The following DENND6B variants were observed in gnomAD, a reference collection of about 807,000 sequenced individuals.
The protein encoded by DENND6B is protein DENND6B.
In DENND6B, 73 loss-of-function variants were observed where a neutral mutation model predicts 85.1. The observed-to-expected ratio is 0.86, with a 90% CI of 0.71 to 1.04. The LOEUF (loss-of-function observed/expected upper bound fraction) is 1.04, where lower values mean the gene tolerates loss of function less well. DENND6B is among the 50% of genes least tolerant of loss of function. The pLI is 0.00. For missense variants in DENND6B, 715 were observed against 785.8 expected (o/e 0.91, Z 1.08); for synonymous variants, 357 against 329.3 (o/e 1.08, Z -0.91).
intron 9 of DENND6B, among the ~76,000 whole-genome samples, chr22:50,315,455 T>C (rs1293766689): frequency 2.0e-5 from 3 of 152,194 alleles, no homozygotes; most frequent in African/African-American, 7.2e-5. Context: ...GCTGCAGACA[T>C]GTGGGCACCT....
At chr22:50,316,297 G>C (rs2041812592) in intron 6 of DENND6B, 44 bp from the exon 7 acceptor site, 4 of 1,567,332 alleles carry the variant, frequency 2.6e-6, no homozygotes, top group African/African-American at 2.7e-5. Flanking sequence ...CCAAGGAGAA[G>C]CTGCTGCCGA....
intron 3 of DENND6B, 102 bp from the exon 4 acceptor site, chr22:50,318,122 T>C (rs2041915745): frequency 8.6e-7 from 1 of 1,162,984 alleles, no homozygotes. Flanking sequence ...GCCTGGCCTC[T>C]GCTGGTAAAT....
At chr22:50,323,873 C>T (rs2042124375) in intron 1 of DENND6B, among the ~76,000 whole-genome samples, 1 of 152,034 alleles carries the variant, frequency 6.6e-6, no homozygotes, top group African/African-American at 2.4e-5. Context: ...GCTATAACTA[C>T]AGGTGCATGC....
intron 6 of DENND6B, 34 bp downstream of exon 6, chr22:50,316,336 G>A (rs775470622): frequency 2.0e-5 from 31 of 1,562,890 alleles, no homozygotes; most frequent in Non-Finnish European, 2.7e-5. Flanking sequence ...CTGGGATGAT[G>A]AGACCACGAT....
In DENND6B at chr22:50,314,241, C is replaced by CT; in HGVS notation, c.1103dup (p.Pro369AlafsTer93). 1 of 1,609,374 alleles carries CT rather than the reference C, an allele frequency of 6.2e-7. No individual in the cohort carries two copies. Among genetic ancestry groups the CT allele is most frequent in the South Asian group, 1.1e-5 (1 of 91,012 alleles). ...TGTCCAGGGTCTTCAACCTTGAAGG[C>CT]TTTTTCAGCTTGACTTGCTTAGGCA... On this transcript the variant is annotated frameshift_variant, in exon 13 of 20. Coordinates refer to ENST00000413817, the MANE Select transcript of DENND6B (RefSeq NM_001001794.4). LOFTEE classifies it high-confidence loss of function.
At chr22:50,314,046 A>G (rs988438771) in intron 13 of DENND6B, 161 bp downstream of exon 13, 4 of 1,257,422 alleles carry the variant, frequency 3.2e-6, no homozygotes, top group Non-Finnish European at 4.3e-6. Context: ...GACCCACTGA[A>G]GAGAAGAGAG....
chr22:50,313,995 C>G (rs1023842892), intron 13 of DENND6B, 117 bp from the exon 14 acceptor site: 1 of 1,386,038 alleles, frequency 7.2e-7, no homozygotes, highest in African/African-American at 1.5e-5. Context: ...ATGCCCTTGG[C>G]TGCACCTGAA....
rs76393084 is a variant in DENND6B, at chr22:50,315,516, G to C, written c.758+198C>G. 4.2e-3 allele frequency among the ~76,000 whole-genome samples: 633 copies of C among 152,286 alleles called. 10 individuals are homozygous for C. In the East Asian group the frequency reaches 0.065, roughly 16 times the overall value. On this transcript the variant is annotated intron_variant, in intron 9 of 19. Coordinates refer to ENST00000413817, the MANE Select transcript of DENND6B (RefSeq NM_001001794.4). Reference sequence around the variant, plus strand: ...TCCTTCCTTCCAGAACTGTCCCAAGGGGTACTCAGGATGAGCGCTGCCTCC... The same window carrying C: ...TCCTTCCTTCCAGAACTGTCCCAAGCGGTACTCAGGATGAGCGCTGCCTCC...
chr22:50,324,870 C>T (rs1041243672), intron 1 of DENND6B, among the ~76,000 whole-genome samples: 2 of 152,198 alleles, frequency 1.3e-5, no homozygotes, highest in African/African-American at 4.8e-5. Context: ...AAGCCCATTC[C>T]TTCCTCTGAG....
intron 16 of DENND6B, 52 bp from the exon 17 acceptor site, chr22:50,313,160 C>T (rs1400720818): frequency 8.0e-6 from 12 of 1,492,050 alleles, no homozygotes; most frequent in Non-Finnish European, 1.0e-5. Context: ...CACAGGCCTG[C>T]ACCCGGTACG....
Position 50,314,436 on chromosome 22 carries a change from G to A in DENND6B, c.1036C>T (p.Pro346Ser), listed in dbSNP as rs773439459. 5.7e-6 allele frequency: 9 copies of A among 1,565,456 alleles called. No individual in the cohort carries two copies. In the African/African-American group the frequency reaches 6.8e-5, roughly 12 times the overall value. ...PFFIKTLQHW[P>S]HILRVGEPKM... Reference sequence around the variant, plus strand: ...GGCTCCCCGACTCGGAGGATGTGGGGCCAGTGCTGGAGTGTTTTGATAAAG... The same window carrying A: ...GGCTCCCCGACTCGGAGGATGTGGGACCAGTGCTGGAGTGTTTTGATAAAG... The change falls in exon 12 of 20, where the codon CCC becomes TCC. Residue 346 changes from proline (P) to serine (S), a missense_variant. Coordinates refer to ENST00000413817, the MANE Select transcript of DENND6B (RefSeq NM_001001794.4).
At chr22:50,326,343 G>C (rs1419529341) in intron 1 of DENND6B, among the ~76,000 whole-genome samples, 1 of 152,226 alleles carries the variant, frequency 6.6e-6, no homozygotes, top group South Asian at 2.1e-4. Context: ...TTGAACTCTG[G>C]GGTGCAGCTG....
At chr22:50,313,941 C>T (rs2041688864) in intron 13 of DENND6B, 63 bp from the exon 14 acceptor site, 49 of 1,518,360 alleles carry the variant, frequency 3.2e-5, no homozygotes, top group Non-Finnish European at 4.3e-5. Flanking sequence ...CTCCTGCAGC[C>T]CCACAGAGGA....
At chr22:50,323,183 A>G (rs746419689) in intron 1 of DENND6B, among the ~76,000 whole-genome samples, 1 of 146,522 alleles carries the variant, frequency 6.8e-6, no homozygotes, top group African/African-American at 2.5e-5. Context: ...TTGTTTTTTA[A>G]CAGACAGGGT....
At chr22:50,317,753 G>A (rs1439313099) in intron 4 of DENND6B, among the ~76,000 whole-genome samples, 155 bp downstream of exon 4, 1 of 152,120 alleles carries the variant, frequency 6.6e-6, no homozygotes, top group Non-Finnish European at 1.5e-5. Flanking sequence ...GTTGGGGCTG[G>A]TGCCTGGGAC....
intron 9 of DENND6B, 48 bp downstream of exon 9, chr22:50,315,662 GCACA>G (rs2041787035): frequency 1.3e-6 from 2 of 1,539,150 alleles, no homozygotes; most frequent in Non-Finnish European, 1.8e-6. Context: ...ACATGCACGT[GCACA>G]CACAGTGAGC....
At chr22:50,314,177 G>A in intron 13 of DENND6B, 30 bp downstream of exon 13, 1 of 1,588,334 alleles carries the variant, frequency 6.3e-7, no homozygotes, top group Non-Finnish European at 8.5e-7. Context: ...CTCCACGGTG[G>A]AGGGGCTCCA....
At position 50,316,095 on chromosome 22, in the gene DENND6B, A is replaced by G. The variant is rs770055554; in HGVS notation, c.640-8T>C. 3 of 1,612,624 alleles carry G rather than the reference A, an allele frequency of 1.9e-6. No individual in the cohort carries two copies. The highest frequency in any genetic ancestry group is 2.5e-6 in the Non-Finnish European group (3 of 1,179,814). On this transcript the variant is annotated splice_region_variant and splice_polypyrimidine_tract_variant and intron_variant, in intron 7 of 19. Coordinates refer to ENST00000413817, the MANE Select transcript of DENND6B (RefSeq NM_001001794.4). Reference sequence around the variant, plus strand: ...CCTGGATGGGATGCGCACCTGGGAGAAGGAGGGAGCAGCTGCCAGAGGGAG... The same window carrying G: ...CCTGGATGGGATGCGCACCTGGGAGGAGGAGGGAGCAGCTGCCAGAGGGAG...
intron 1 of DENND6B, among the ~76,000 whole-genome samples, chr22:50,321,045 C>T (rs1284045206): frequency 6.6e-6 from 1 of 152,196 alleles, no homozygotes; most frequent in Non-Finnish European, 1.5e-5. Flanking sequence ...TCAGGCTGTG[C>T]CCTGCTCGGG....
Sources: allele counts gnomAD v4.1 joint callset (sites outside exome capture counted in the v4.1 genomes callset), GRCh38; gene constraint gnomAD v4.1.1; transcripts MANE v1.5; gene names NCBI Gene and HGNC (gene_info 2026-07-23, HGNC 2026-07-21).